The following TTC28 variants were observed in gnomAD, a reference collection of about 807,000 sequenced individuals.
TTC28 encodes tetratricopeptide repeat protein 28.
A neutral mutation model predicts 198.0 loss-of-function variants in TTC28; 61 were observed. The observed-to-expected ratio is 0.31, with a 90% confidence interval of 0.25 to 0.38. The LOEUF (loss-of-function observed/expected upper bound fraction) is 0.38, where lower values mean the gene tolerates loss of function less well. Ranked by LOEUF, TTC28 falls within the 10% of genes least tolerant of loss-of-function variation. The pLI, the probability that TTC28 is intolerant of heterozygous loss-of-function variation, is 1.00. For missense variants in TTC28, 2,678 were observed against 3,164.0 expected (o/e 0.85, Z 3.69); for synonymous variants, 1,171 against 1,297.8 (o/e 0.90, Z 2.10).
chr22:28,036,455 G>A (rs1016054375), intron 12 of TTC28, among the ~76,000 whole-genome samples: 5 of 152,284 alleles, frequency 3.3e-5, no homozygotes, highest in Non-Finnish European at 5.9e-5. Context: ...AAATAAAGAC[G>A]TTCTTTGAAA....
chr22:28,444,008 T>C (rs1286534259), intron 2 of TTC28, among the ~76,000 whole-genome samples: 14 of 152,344 alleles, frequency 9.2e-5, no homozygotes, highest in Admixed American at 9.1e-4. Context: ...TGAACTTTAA[T>C]AGATTCCATT....
intron 2 of TTC28, among the ~76,000 whole-genome samples, chr22:28,591,008 A>AACAC (rs55694132): frequency 7.1e-4 from 39 of 55,100 alleles, no homozygotes; most frequent in South Asian, 2.1e-3. Context: ...CTCTGCCTCA[A>AACAC]ACACACACAC....
intron 1 of TTC28, among the ~76,000 whole-genome samples, chr22:28,661,376 G>A (rs1001718404): frequency 6.6e-6 from 1 of 152,044 alleles, no homozygotes; most frequent in Admixed American, 6.6e-5. Flanking sequence ...TTTATATCAG[G>A]TACTACATTA....
intron 2 of TTC28, among the ~76,000 whole-genome samples, chr22:28,326,478 T>G (rs1483285083): frequency 6.6e-6 from 1 of 152,136 alleles, no homozygotes; most frequent in Non-Finnish European, 1.5e-5. Flanking sequence ...ATGTAATTCA[T>G]GCCACTAAAT....
chr22:28,488,013 G>A (rs560589443), intron 2 of TTC28, among the ~76,000 whole-genome samples: 1 of 152,150 alleles, frequency 6.6e-6, no homozygotes, highest in South Asian at 2.1e-4. Flanking sequence ...AGACGCTCCT[G>A]CGCACAGTGC....
intron 2 of TTC28, among the ~76,000 whole-genome samples, chr22:28,354,863 T>C (rs1324557173): frequency 6.6e-6 from 1 of 151,994 alleles, no homozygotes; most frequent in African/African-American, 2.4e-5. Flanking sequence ...AGGGTACATG[T>C]GCACATTGTG....
At chr22:28,407,365 A>G (rs2047012862) in intron 2 of TTC28, among the ~76,000 whole-genome samples, 1 of 152,138 alleles carries the variant, frequency 6.6e-6, no homozygotes, top group Non-Finnish European at 1.5e-5. Context: ...CCAAGGCTCT[A>G]CTGAACAAAG....
At chr22:28,469,644 T>G (rs1017043558) in intron 2 of TTC28, among the ~76,000 whole-genome samples, 1 of 151,928 alleles carries the variant, frequency 6.6e-6, no homozygotes, top group South Asian at 2.1e-4. Flanking sequence ...AGAAAGAGAA[T>G]ATGAATAAAG....
chr22:28,264,805 G>A (rs1931569587), intron 5 of TTC28, among the ~76,000 whole-genome samples: 2 of 152,164 alleles, frequency 1.3e-5, no homozygotes, highest in South Asian at 2.1e-4. Flanking sequence ...GAAAGTACCT[G>A]TGATATACAC....
At chr22:28,100,940 C>T (rs925732861) in intron 9 of TTC28, among the ~76,000 whole-genome samples, 3 of 152,110 alleles carry the variant, frequency 2.0e-5, no homozygotes, top group Non-Finnish European at 1.5e-5. Context: ...GGAGCAATAG[C>T]AGTTAATATA....
intron 5 of TTC28, among the ~76,000 whole-genome samples, chr22:28,257,101 C>T (rs967386949): frequency 2.6e-5 from 4 of 152,032 alleles, no homozygotes; most frequent in Admixed American, 6.6e-5. Context: ...CAGGCAATAA[C>T]GGATGCTGGT....
chr22:28,308,308 T>TA lies in TTC28; in HGVS notation c.382-1666dup, dbSNP rs145439915. Among the ~76,000 whole-genome samples, 135 of 152,272 alleles carry TA rather than the reference T, an allele frequency of 8.9e-4. 2 individuals are homozygous for TA. The East Asian group carries it at 0.024, about 27-fold the overall frequency. ...GCAAGAGGCAACAGTATATTCCAAC[T>TA]AAAAATAACTATAGTTTACATAAGT... On this transcript the variant is annotated intron_variant, in intron 2 of 22. Coordinates refer to ENST00000397906, the MANE Select transcript of TTC28 (RefSeq NM_001145418.2).
At chr22:28,363,822 C>T (rs545679644) in intron 2 of TTC28, among the ~76,000 whole-genome samples, 1 of 152,110 alleles carries the variant, frequency 6.6e-6, no homozygotes, top group African/African-American at 2.4e-5. Flanking sequence ...GGCCTGTACC[C>T]CATTTGTTCT....
At position 28,492,212 on chromosome 22, in the gene TTC28, G is replaced by A. The variant is rs1029912841; in HGVS notation, c.381+137340C>T. On this transcript the variant is annotated intron_variant, in intron 2 of 22. Transcript: ENST00000397906. ...ACCAACATGGCACATGTACACATAT[G>A]TAACAAACCTGCACGTTGTGCACAT... is the stretch of plus-strand genomic sequence containing the variant. Among the ~76,000 whole-genome samples the A allele has an allele frequency of 2.4e-4, 37 of 152,044 alleles. 1 individual carries two copies. Among genetic ancestry groups the A allele is most frequent in the Non-Finnish European group, 5.9e-5 (4 of 68,028 alleles).
chr22:28,365,561 CT>C (rs1324306510), intron 2 of TTC28, among the ~76,000 whole-genome samples: 5 of 152,328 alleles, frequency 3.3e-5, no homozygotes, highest in African/African-American at 1.2e-4. Context: ...TTGGGTGACT[CT>C]TTTCATTAGT....
chr22:28,442,794 G>T (rs1359124530), intron 2 of TTC28: 1 of 152,626 alleles, frequency 6.6e-6, no homozygotes, highest in Admixed American at 6.5e-5. Flanking sequence ...AGCAAACTAC[G>T]GAAGGGGTGG....
At chr22:28,522,162 G>T (rs1455257139) in intron 2 of TTC28, among the ~76,000 whole-genome samples, 1 of 152,130 alleles carries the variant, frequency 6.6e-6, no homozygotes, top group East Asian at 1.9e-4. Flanking sequence ...TAGTAAATAA[G>T]AACTTTCATA....
At chr22:28,203,949 G>T (rs981993918) in intron 5 of TTC28, among the ~76,000 whole-genome samples, 1 of 152,098 alleles carries the variant, frequency 6.6e-6, no homozygotes, top group Non-Finnish European at 1.5e-5. Flanking sequence ...AAAAGCAAAA[G>T]AAAATATGTT....
At chr22:28,204,222 C>A (rs1926210636) in intron 5 of TTC28, among the ~76,000 whole-genome samples, 1 of 152,144 alleles carries the variant, frequency 6.6e-6, no homozygotes, top group Non-Finnish European at 1.5e-5. Flanking sequence ...CCACTCTCTT[C>A]TCTTCTAGGC....
Sources: gnomAD v4.1 joint callset for allele counts (sites outside exome capture counted in the v4.1 genomes callset) on GRCh38, gnomAD v4.1.1 for gene constraint, MANE v1.5 for transcripts, NCBI Gene and HGNC (gene_info 2026-07-23, HGNC 2026-07-21) for gene names.